Variants in NRG3 observed in about 807,000 individuals in gnomAD.
NRG3 encodes the protein pro-neuregulin-3, membrane-bound isoform.
A neutral mutation model predicts 66.9 loss-of-function variants in NRG3; 31 were observed. The observed-to-expected ratio is 0.46, with a 90% confidence interval of 0.35 to 0.63. NRG3 has a LOEUF of 0.63. NRG3 is among the 20% of genes least tolerant of loss of function. The pLI, the probability that NRG3 is intolerant of heterozygous loss-of-function variation, is 0.00. For synonymous variants in NRG3, 393 were observed against 359.4 expected, an observed-to-expected ratio of 1.09 and a Z score of -1.06; for missense variants, 910 against 878.9, an observed-to-expected ratio of 1.04 and a Z score of -0.45.
intron 1 of NRG3, among the ~76,000 whole-genome samples, chr10:81,955,613 T>G (rs1271327780): frequency 2.6e-5 from 4 of 152,182 alleles, no homozygotes; most frequent in African/African-American, 9.7e-5. Flanking sequence ...TTAAATATAT[T>G]CAAGTACCTA....
chr10:82,041,005 C>T (rs2063008691), intron 1 of NRG3, among the ~76,000 whole-genome samples: 1 of 152,008 alleles, frequency 6.6e-6, no homozygotes, highest in Admixed American at 6.6e-5. Context: ...TAAAACATTG[C>T]ATATCAGCTG....
At chr10:82,414,205 C>T (rs1285642780) in intron 2 of NRG3, among the ~76,000 whole-genome samples, 1 of 152,076 alleles carries the variant, frequency 6.6e-6, no homozygotes, top group African/African-American at 2.4e-5. Flanking sequence ...CTTCCTTTTG[C>T]TTGCTCACAC....
At chr10:82,542,603 G>A (rs977871803) in intron 2 of NRG3, among the ~76,000 whole-genome samples, 31 of 152,208 alleles carry the variant, frequency 2.0e-4, no homozygotes, top group African/African-American at 6.0e-4. Context: ...TATGACTTTA[G>A]TCAAGTGCTC....
chr10:82,846,859 C>T (rs2063332113), intron 3 of NRG3, among the ~76,000 whole-genome samples: 1 of 152,172 alleles, frequency 6.6e-6, no homozygotes, highest in South Asian at 2.1e-4. Flanking sequence ...ACAAAATACG[C>T]ACCTACTATG....
chr10:81,945,497 A>G (rs1301783398), intron 1 of NRG3, among the ~76,000 whole-genome samples: 1 of 152,172 alleles, frequency 6.6e-6, no homozygotes, highest in Non-Finnish European at 1.5e-5. Flanking sequence ...CCATAAATGC[A>G]TTCTGGAAAT....
chr10:82,132,209 T>C (rs921204375), intron 1 of NRG3, among the ~76,000 whole-genome samples: 10 of 151,934 alleles, frequency 6.6e-5, no homozygotes, highest in Admixed American at 3.9e-4. Flanking sequence ...GATATGTTTC[T>C]TCCATACCCA....
intron 1 of NRG3, among the ~76,000 whole-genome samples, chr10:82,057,880 G>A (rs983770493): frequency 6.6e-6 from 1 of 151,948 alleles, no homozygotes. Context: ...CTAAAACTCA[G>A]ACTCCGGGCC....
chr10:82,711,614 G>A (rs1460450040), intron 2 of NRG3, among the ~76,000 whole-genome samples: 3 of 151,602 alleles, frequency 2.0e-5, no homozygotes, highest in South Asian at 4.2e-4. Context: ...TATGATTGGT[G>A]GTCCTATGAT....
Position 81,875,218 on chromosome 10 carries a change from C to T in NRG3, c.-123C>T, listed in dbSNP as rs908751801. ...CGGATTTGCATGCGGCCGCCGCGGC[C>T]GCTGCCTGCGCCCGAGCCCGCCGCC... is the stretch of plus-strand genomic sequence containing the variant. On this transcript the variant is annotated 5_prime_UTR_variant, in exon 1 of 9. Coordinates refer to ENST00000372141, the MANE Select transcript of NRG3 (RefSeq NM_001010848.4). This position sits in a 1 kb window ranked among gnomAD's most constrained non-coding sequence, Gnocchi z 5.3. 2.3e-6 allele frequency: 1 copy of T among 429,734 alleles called. No individual in the cohort carries two copies. Among genetic ancestry groups the T allele is most frequent in the Non-Finnish European group, 3.1e-6 (1 of 325,046 alleles). The allele number at this position is 429,734 out of a possible 1,614,324, so 26.6% of individuals were successfully genotyped here.
chr10:82,209,341 T>A (rs1368305194), intron 1 of NRG3, among the ~76,000 whole-genome samples: 1 of 77,178 alleles, frequency 1.3e-5, no homozygotes, highest in Non-Finnish European at 3.2e-5. Context: ...TACATACATA[T>A]TACACTCTCT....
At chr10:82,038,858 T>G (rs2062908428) in intron 1 of NRG3, among the ~76,000 whole-genome samples, 1 of 152,096 alleles carries the variant, frequency 6.6e-6, no homozygotes, top group East Asian at 1.9e-4. Context: ...CATGTTTGAC[T>G]TCTTGAGCAC....
At chr10:81,942,802 G>T (rs182903194) in intron 1 of NRG3, among the ~76,000 whole-genome samples, 1 of 152,260 alleles carries the variant, frequency 6.6e-6, no homozygotes, top group Admixed American at 6.5e-5. Flanking sequence ...ACTGTATCCA[G>T]ATAGCCAATG....
chr10:81,980,911 C>T (rs1353344467), intron 1 of NRG3, among the ~76,000 whole-genome samples: 7 of 152,138 alleles, frequency 4.6e-5, no homozygotes, highest in East Asian at 1.9e-4. Flanking sequence ...AGACATTAGT[C>T]TCATTGGATT....
intron 1 of NRG3, among the ~76,000 whole-genome samples, chr10:82,190,721 C>G (rs1283938533): frequency 6.6e-6 from 1 of 152,202 alleles, no homozygotes; most frequent in Non-Finnish European, 1.5e-5. Context: ...GAAGAAACTC[C>G]TGAGAATGCC....
In NRG3 at chr10:82,129,517, T is replaced by G. The variant is rs189890154; in HGVS notation, c.824-229222T>G. Among the ~76,000 whole-genome samples, 206 of 152,324 alleles carry G rather than the reference T, an allele frequency of 1.4e-3. 1 individual carries two copies. The highest frequency in any genetic ancestry group is 2.2e-3 in the Non-Finnish European group (148 of 68,032). ...ATCACATTAGGGTAAATGAAATAGCTATCACCTAAAGCATTTATTATTTCT... is the reference window on the plus strand; with the variant it reads ...ATCACATTAGGGTAAATGAAATAGCGATCACCTAAAGCATTTATTATTTCT... On this transcript the variant is annotated intron_variant, in intron 1 of 8. Transcript: ENST00000372141.
At chr10:81,921,177 A>G (rs2132869786) in intron 1 of NRG3, among the ~76,000 whole-genome samples, 1 of 152,108 alleles carries the variant, frequency 6.6e-6, no homozygotes, top group East Asian at 1.9e-4. Flanking sequence ...AACAAATAAA[A>G]GCCTTTTCTC....
intron 2 of NRG3, among the ~76,000 whole-genome samples, chr10:82,487,830 G>A (rs577776194): frequency 4.6e-5 from 7 of 152,060 alleles, no homozygotes; most frequent in South Asian, 2.1e-4. Context: ...AATCCAATTC[G>A]TGCAGCCCAG....
chr10:82,617,412 G>T (rs1443545675), intron 2 of NRG3, among the ~76,000 whole-genome samples: 6 of 151,890 alleles, frequency 4.0e-5, no homozygotes, highest in Admixed American at 3.9e-4. Flanking sequence ...GCCAGCCGAA[G>T]TTTGGAGAAG....
At chr10:82,227,877 G>C (rs140114501) in intron 1 of NRG3, among the ~76,000 whole-genome samples, 1 of 152,202 alleles carries the variant, frequency 6.6e-6, no homozygotes, top group African/African-American at 2.4e-5. Flanking sequence ...TCTGGTGTTA[G>C]GGGCAGCCTT....
Sources: gnomAD v4.1 joint callset for allele counts (sites outside exome capture counted in the v4.1 genomes callset) on GRCh38, gnomAD v4.1.1 for gene constraint, Gnocchi (gnomAD v3.1) non-coding constraint, MANE v1.5 for transcripts, NCBI Gene and HGNC (gene_info 2026-07-23, HGNC 2026-07-21) for gene names.